The following PPP3CC variants were observed in gnomAD, a reference collection of about 807,000 sequenced individuals.
PPP3CC encodes the protein protein phosphatase 3 catalytic subunit gamma.
PPP3CC carries 35 observed loss-of-function variants against 60.3 expected under a neutral mutation model. The ratio of observed to expected loss-of-function variants is 0.58; its 90% CI spans 0.44 to 0.77. PPP3CC has a LOEUF of 0.77. Among genes scored for constraint, PPP3CC ranks in the 30% least tolerant of loss-of-function variants. PPP3CC has a pLI of 0.00. For synonymous variants in PPP3CC, 206 were observed against 224.3 expected (o/e 0.92, Z 0.73); for missense variants, 570 against 628.9 (o/e 0.91, Z 1.00).
chr8:22,506,989 C>G (rs923068021), intron 4 of PPP3CC, among the ~76,000 whole-genome samples: 5 of 151,756 alleles, frequency 3.3e-5, no homozygotes, highest in Admixed American at 6.6e-5. Context: ...AGCTATGTCT[C>G]ACGCCTGTAA....
At chr8:22,503,901 G>A (rs1838834234) in intron 4 of PPP3CC, among the ~76,000 whole-genome samples, 1 of 152,158 alleles carries the variant, frequency 6.6e-6, no homozygotes, top group Non-Finnish European at 1.5e-5. Flanking sequence ...TAAGGAGAGA[G>A]CATGTGTGTT....
intron 1 of PPP3CC, among the ~76,000 whole-genome samples, chr8:22,459,510 A>T (rs2132444224): frequency 6.6e-6 from 1 of 152,084 alleles, no homozygotes; most frequent in South Asian, 2.1e-4. Context: ...GTTTATCTAG[A>T]ATTGTGTAAA....
chr8:22,531,235 A>G, intron 10 of PPP3CC: 2 of 1,414,524 alleles, frequency 1.4e-6, no homozygotes, highest in South Asian at 1.2e-5. Flanking sequence ...TTCCATGTAA[A>G]CATAAATTTC....
intron 1 of PPP3CC, among the ~76,000 whole-genome samples, chr8:22,461,518 G>A (rs1454880486): frequency 6.6e-6 from 1 of 151,874 alleles, no homozygotes; most frequent in South Asian, 2.1e-4. Flanking sequence ...GAATAACATG[G>A]CATAACATTT....
At chr8:22,495,131 T>C (rs1010193491) in intron 3 of PPP3CC, among the ~76,000 whole-genome samples, 1 of 152,046 alleles carries the variant, frequency 6.6e-6, no homozygotes, top group African/African-American at 2.4e-5. Context: ...AAATGTTTTG[T>C]AGAGATGGGG....
At chr8:22,507,524 C>A (rs1416105855) in intron 4 of PPP3CC, among the ~76,000 whole-genome samples, 1 of 152,158 alleles carries the variant, frequency 6.6e-6, no homozygotes, top group African/African-American at 2.4e-5. Flanking sequence ...AGGTTTAAGT[C>A]TCAGTTCTGC....
chr8:22,448,415 T>C (rs1836902272), intron 1 of PPP3CC, among the ~76,000 whole-genome samples: 1 of 151,352 alleles, frequency 6.6e-6, no homozygotes, highest in African/African-American at 2.4e-5. Context: ...GTTTCGCTCT[T>C]GTTGCCCAGG....
intron 3 of PPP3CC, among the ~76,000 whole-genome samples, chr8:22,481,184 AG>A (rs1460254996): frequency 1.3e-5 from 2 of 151,944 alleles, no homozygotes; most frequent in Non-Finnish European, 2.9e-5. Flanking sequence ...AAATACAAAA[AG>A]TTAGCCGGGC....
intron 6 of PPP3CC, among the ~76,000 whole-genome samples, chr8:22,518,122 G>A (rs1417447259): frequency 6.6e-6 from 1 of 151,446 alleles, no homozygotes; most frequent in Non-Finnish European, 1.5e-5. Flanking sequence ...CAATGCAGTG[G>A]CACAATGATA....
At chr8:22,453,616 C>T (rs1478408122) in intron 1 of PPP3CC, among the ~76,000 whole-genome samples, 1 of 152,162 alleles carries the variant, frequency 6.6e-6, no homozygotes, top group Non-Finnish European at 1.5e-5. Context: ...TGAACCAGTG[C>T]AGTTCAAACC....
At chr8:22,506,889 C>G (rs949160045) in intron 4 of PPP3CC, among the ~76,000 whole-genome samples, 1 of 151,676 alleles carries the variant, frequency 6.6e-6, no homozygotes, top group East Asian at 1.9e-4. Context: ...TTGCAGTGAG[C>G]CGAGATTGCG....
intron 4 of PPP3CC, among the ~76,000 whole-genome samples, chr8:22,506,992 G>A (rs917590250): frequency 6.6e-6 from 1 of 151,806 alleles, no homozygotes; most frequent in African/African-American, 2.4e-5. Context: ...TATGTCTCAC[G>A]CCTGTAATCC....
At chr8:22,472,270 A>G (rs986329775) in intron 1 of PPP3CC, among the ~76,000 whole-genome samples, 4 of 142,598 alleles carry the variant, frequency 2.8e-5, no homozygotes, top group South Asian at 2.1e-4. Context: ...TTGTATAGCT[A>G]TAGAAAATAA....
chr8:22,497,616 A>G (rs941953260), intron 3 of PPP3CC, among the ~76,000 whole-genome samples: 2 of 152,264 alleles, frequency 1.3e-5, no homozygotes, highest in African/African-American at 4.8e-5. Context: ...ATTGAGGTGT[A>G]ATCCCATTGG....
intron 1 of PPP3CC, among the ~76,000 whole-genome samples, chr8:22,470,703 C>A (rs559307843): frequency 1.4e-4 from 22 of 152,240 alleles, no homozygotes; most frequent in African/African-American, 5.3e-4. Context: ...AAGTAGAGAA[C>A]AAAGAGATAC....
At chr8:22,489,782 T>C (rs1298974110) in intron 3 of PPP3CC, among the ~76,000 whole-genome samples, 1 of 143,590 alleles carries the variant, frequency 7.0e-6, no homozygotes, top group Non-Finnish European at 1.5e-5. Flanking sequence ...ATTATATATA[T>C]AGTAAGTATA....
chr8:22,516,552 A>G (rs1839249421), intron 6 of PPP3CC, among the ~76,000 whole-genome samples: 2 of 152,250 alleles, frequency 1.3e-5, no homozygotes, highest in African/African-American at 4.8e-5. Flanking sequence ...CACCCAAATC[A>G]GTACTTACAG....
chr8:22,450,114 C>T (rs1398408419), intron 1 of PPP3CC, among the ~76,000 whole-genome samples: 1 of 151,918 alleles, frequency 6.6e-6, no homozygotes, highest in Non-Finnish European at 1.5e-5. Context: ...TGTGATCTGC[C>T]CACCTTGGTC....
At chr8:22,502,576 T>A (rs1171807068) in intron 4 of PPP3CC, among the ~76,000 whole-genome samples, 1 of 152,068 alleles carries the variant, frequency 6.6e-6, no homozygotes, top group East Asian at 1.9e-4. Flanking sequence ...TAGTTGCAGC[T>A]ACTTGGGAGG....
Sources: allele counts gnomAD v4.1 joint callset (sites outside exome capture counted in the v4.1 genomes callset), GRCh38; gene constraint gnomAD v4.1.1; transcripts MANE v1.5; gene names NCBI Gene and HGNC (gene_info 2026-07-23, HGNC 2026-07-21).